The following SLIT1 variants were observed in gnomAD, a reference collection of about 807,000 sequenced individuals.
SLIT1 encodes slit guidance ligand 1.
A neutral mutation model predicts 186.1 loss-of-function variants in SLIT1; 66 were observed. The ratio of observed to expected loss-of-function variants is 0.35; its 90% CI spans 0.29 to 0.44. The LOEUF (loss-of-function observed/expected upper bound fraction) is 0.44, where lower values mean the gene tolerates loss of function less well. Among genes scored for constraint, SLIT1 ranks in the 20% least tolerant of loss-of-function variants. The pLI is 1.00. For missense variants in SLIT1, 1,638 were observed against 2,037.4 expected (o/e 0.80, Z 3.77); for synonymous variants, 761 against 833.8 (o/e 0.91, Z 1.50).
At chr10:97,074,336 G>T (rs1016341897) in intron 4 of SLIT1, among the ~76,000 whole-genome samples, 2 of 152,186 alleles carry the variant, frequency 1.3e-5, no homozygotes, top group Admixed American at 1.3e-4. Context: ...GTTAGGACTG[G>T]CCAAGGGAGA....
intron 4 of SLIT1, among the ~76,000 whole-genome samples, chr10:97,113,278 T>C (rs1311977089): frequency 6.6e-6 from 1 of 152,016 alleles, no homozygotes; most frequent in African/African-American, 2.4e-5. Context: ...TGATATGGAG[T>C]TTCAATCTTG....
chr10:97,044,367 G>A (rs546333906), intron 18 of SLIT1, among the ~76,000 whole-genome samples: 7 of 152,214 alleles, frequency 4.6e-5, no homozygotes, highest in African/African-American at 1.7e-4. Context: ...CTGCACCCCA[G>A]CTGCCTGGGA....
chr10:97,033,325 G>A (rs1848608789), intron 23 of SLIT1, among the ~76,000 whole-genome samples: 2 of 152,182 alleles, frequency 1.3e-5, no homozygotes, highest in African/African-American at 4.8e-5. Context: ...TCTGTAAAGT[G>A]AGGTGTTGGA....
At position 97,054,036 on chromosome 10, in the gene SLIT1, G is replaced by T. The variant is rs138195917; in HGVS notation, c.1301+2285C>A. Among the ~76,000 whole-genome samples the T allele has an allele frequency of 8.0e-4, 122 of 152,126 alleles. 1 individual carries two copies. The highest frequency in any genetic ancestry group is 1.2e-3 in the Admixed American group (19 of 15,282). On this transcript the variant is annotated intron_variant, in intron 13 of 36. Transcript: ENST00000266058. The stretch of plus-strand genomic sequence containing the variant: ...GAGACTAGGTAATTTATAAAGAAAA[G>T]AGGTTTACTGGGCTGAGAGTTCTGT...
chr10:97,013,119 T>C (rs993019872), intron 30 of SLIT1, among the ~76,000 whole-genome samples: 1 of 152,228 alleles, frequency 6.6e-6, no homozygotes, highest in Non-Finnish European at 1.5e-5. Flanking sequence ...GGTCAGACAA[T>C]GCATATTATA....
At chr10:97,178,854 G>A (rs1850292561) in intron 1 of SLIT1, among the ~76,000 whole-genome samples, 1 of 152,038 alleles carries the variant, frequency 6.6e-6, no homozygotes, top group Non-Finnish European at 1.5e-5. Context: ...GTTTGCACAA[G>A]TCCATAAGTT....
chr10:97,088,049 T>C (rs2134660795), intron 4 of SLIT1, among the ~76,000 whole-genome samples: 1 of 152,096 alleles, frequency 6.6e-6, no homozygotes, highest in South Asian at 2.1e-4. Flanking sequence ...AGAGAGTGGT[T>C]CTCAAACTCA....
At chr10:97,046,147 G>A (rs1333155463) in intron 18 of SLIT1, among the ~76,000 whole-genome samples, 1 of 152,168 alleles carries the variant, frequency 6.6e-6, no homozygotes, top group Non-Finnish European at 1.5e-5. Flanking sequence ...TGGAGGGGGT[G>A]TCCTGCATCA....
intron 4 of SLIT1, among the ~76,000 whole-genome samples, chr10:97,076,671 G>C (rs1251906075): frequency 1.3e-5 from 2 of 152,206 alleles, no homozygotes; most frequent in East Asian, 3.9e-4. Context: ...TCGATGATAA[G>C]AACCTGCATT....
chr10:97,004,519 G>T lies in SLIT1; in HGVS notation c.3710+174C>A, dbSNP rs562424395. Reference sequence around the variant, plus strand: ...GGGGAAGGATGGGGCCACTGCACAGGCCTCAGAGACCTCAGCCCCAAGCTG... The same window carrying T: ...GGGGAAGGATGGGGCCACTGCACAGTCCTCAGAGACCTCAGCCCCAAGCTG... On this transcript the variant is annotated intron_variant, in intron 33 of 36. Coordinates refer to ENST00000266058, the MANE Select transcript of SLIT1 (RefSeq NM_003061.3). The surrounding 1 kb of genome is among the most constrained non-coding windows in gnomAD (Gnocchi z 5.1). Among the ~76,000 whole-genome samples, 2 of 152,228 alleles carry T rather than the reference G, an allele frequency of 1.3e-5. No homozygotes were observed. The highest frequency in any genetic ancestry group is 2.1e-4 in the South Asian group (1 of 4,818).
chr10:97,067,073 C>T (rs1848954616), intron 4 of SLIT1, among the ~76,000 whole-genome samples: 1 of 152,222 alleles, frequency 6.6e-6, no homozygotes, highest in South Asian at 2.1e-4. Context: ...TCTTTAGCTC[C>T]AGGCAGGGCC....
chr10:97,013,434 C>T (rs2134593882), intron 30 of SLIT1, among the ~76,000 whole-genome samples: 1 of 152,274 alleles, frequency 6.6e-6, no homozygotes, highest in East Asian at 1.9e-4. Flanking sequence ...ATTTTCTCAT[C>T]TTACCCTTGC....
chr10:97,069,575 T>C lies in SLIT1; in HGVS notation c.414-3489A>G, dbSNP rs140847026. On this transcript the variant is annotated intron_variant, in intron 4 of 36. Coordinates refer to ENST00000266058, the MANE Select transcript of SLIT1 (RefSeq NM_003061.3). The stretch of plus-strand genomic sequence containing the variant: ...CAGAGAAGTGAGTGAACAAGTCCGC[T>C]GGAGGGAGGAGAGGTGATCTCTGAC... Among the ~76,000 whole-genome samples the C allele has an allele frequency of 4.9e-3, 743 of 152,256 alleles. 2 individuals carry two copies. Among genetic ancestry groups the C allele is most frequent in the Non-Finnish European group, 7.7e-3 (525 of 68,010 alleles).
At position 97,047,764 on chromosome 10, in the gene SLIT1, C is replaced by T; in HGVS notation, c.1560G>A (p.Glu520=). 7 of 1,614,140 alleles carry T rather than the reference C, an allele frequency of 4.3e-6. No individual in the cohort carries two copies. The highest frequency in any genetic ancestry group is 5.9e-6 in the Non-Finnish European group (7 of 1,180,040). ...DVVCPHKCRC[E]ANVVECSSLK... ...GGCTGGAGCACTCCACCACGTTGGCCTCACAGCGGCACTTGTGGGGACAGA... is the reference window on the plus strand; with the variant it reads ...GGCTGGAGCACTCCACCACGTTGGCTTCACAGCGGCACTTGTGGGGACAGA... The change falls in exon 16 of 37, where the codon GAG becomes GAA. Residue 520 remains glutamate, a synonymous_variant. Transcript: ENST00000266058.
At chr10:97,174,850 CT>C (rs1269086446) in intron 1 of SLIT1, among the ~76,000 whole-genome samples, 1 of 151,996 alleles carries the variant, frequency 6.6e-6, no homozygotes, top group African/African-American at 2.4e-5. Context: ...GGACCCAGCT[CT>C]TTTTAAAAAA....
intron 4 of SLIT1, among the ~76,000 whole-genome samples, chr10:97,127,789 C>T (rs1343144380): frequency 6.6e-6 from 1 of 152,194 alleles, no homozygotes; most frequent in Admixed American, 6.5e-5. Context: ...AGCTCTGCTC[C>T]CACCCAGCTA....
intron 24 of SLIT1, 81 bp downstream of exon 24, chr10:97,031,525 G>C: frequency 8.8e-7 from 1 of 1,130,484 alleles, no homozygotes; most frequent in East Asian, 2.6e-5. Context: ...CTAGACATGG[G>C]AACATTTCTG....
intron 4 of SLIT1, among the ~76,000 whole-genome samples, chr10:97,145,697 T>C (rs1367561092): frequency 6.6e-6 from 1 of 152,060 alleles, no homozygotes; most frequent in East Asian, 1.9e-4. Context: ...GGGTTATCAG[T>C]TCCTTACCTT....
intron 25 of SLIT1, among the ~76,000 whole-genome samples, chr10:97,029,632 A>G (rs1848574569): frequency 6.6e-6 from 1 of 152,240 alleles, no homozygotes; most frequent in Admixed American, 6.5e-5. Flanking sequence ...GGCAAAATAT[A>G]TATATCACAT....
Sources: gnomAD v4.1 joint callset for allele counts (sites outside exome capture counted in the v4.1 genomes callset) on GRCh38, gnomAD v4.1.1 for gene constraint, Gnocchi (gnomAD v3.1) non-coding constraint, MANE v1.5 for transcripts, NCBI Gene and HGNC (gene_info 2026-07-23, HGNC 2026-07-21) for gene names.